GRID1: variants seen among roughly 807,000 people sequenced by gnomAD.
GRID1 encodes glutamate receptor ionotropic, delta-1.
A neutral mutation model predicts 98.0 loss-of-function variants in GRID1; 28 were observed. The observed-to-expected ratio is 0.29, with a 90% CI of 0.21 to 0.39. The LOEUF is 0.39. Among genes scored for constraint, GRID1 ranks in the 10% least tolerant of loss-of-function variants. GRID1 has a pLI of 1.00. For synonymous variants in GRID1, 553 were observed against 538.5 expected, an observed-to-expected ratio of 1.03 and a Z score of -0.37; for missense variants, 1,111 against 1,340.5, an observed-to-expected ratio of 0.83 and a Z score of 2.67.
chr10:86,140,490 G>A (rs1330301057), intron 3 of GRID1, among the ~76,000 whole-genome samples: 3 of 152,240 alleles, frequency 2.0e-5, no homozygotes, highest in Non-Finnish European at 4.4e-5. Context: ...TCCCTGTTGT[G>A]CCAAGAGGAC....
chr10:86,226,150 C>G (rs115447458), intron 2 of GRID1, among the ~76,000 whole-genome samples: 1 of 152,010 alleles, frequency 6.6e-6, no homozygotes, highest in Non-Finnish European at 1.5e-5. Flanking sequence ...CTCAGAGCCA[C>G]GTCTCTGGAC....
chr10:86,252,019 G>A (rs1846843601), intron 2 of GRID1, among the ~76,000 whole-genome samples: 1 of 152,188 alleles, frequency 6.6e-6, no homozygotes, highest in Non-Finnish European at 1.5e-5. Flanking sequence ...GCAGAGGTTG[G>A]TACGGGTGTC....
intron 8 of GRID1, among the ~76,000 whole-genome samples, chr10:85,780,116 G>C (rs971977217): frequency 6.6e-6 from 1 of 152,142 alleles, no homozygotes; most frequent in Non-Finnish European, 1.5e-5. Flanking sequence ...GCTCTACCTC[G>C]CACCATGCTT....
intron 4 of GRID1, among the ~76,000 whole-genome samples, chr10:86,076,446 C>G (rs1288730410): frequency 6.6e-6 from 1 of 152,178 alleles, no homozygotes; most frequent in Non-Finnish European, 1.5e-5. Flanking sequence ...CTGGCCAAAC[C>G]TGATGTATTA....
At chr10:86,237,706 A>G (rs1296416787) in intron 2 of GRID1, among the ~76,000 whole-genome samples, 4 of 151,722 alleles carry the variant, frequency 2.6e-5, no homozygotes, top group Non-Finnish European at 5.9e-5. Flanking sequence ...TCTCAAAAAA[A>G]AAAAAAAAAA....
At chr10:85,742,370 A>G (rs1841952805) in intron 8 of GRID1, among the ~76,000 whole-genome samples, 1 of 152,180 alleles carries the variant, frequency 6.6e-6, no homozygotes, top group Admixed American at 6.5e-5. Context: ...TTTACTTAGA[A>G]ATTAAGCGGC....
At chr10:85,836,068 C>A in intron 8 of GRID1, among the ~76,000 whole-genome samples, 1 of 151,666 alleles carries the variant, frequency 6.6e-6, no homozygotes. Context: ...GCACTAAAAG[C>A]TTATATTAGA....
chr10:86,065,956 C>T (rs1378569554), intron 4 of GRID1, among the ~76,000 whole-genome samples: 1 of 152,210 alleles, frequency 6.6e-6, no homozygotes, highest in Non-Finnish European at 1.5e-5. Flanking sequence ...CCTAACAATG[C>T]CTTTCCCTGC....
intron 13 of GRID1, among the ~76,000 whole-genome samples, chr10:85,639,174 T>A (rs760593855): frequency 6.6e-6 from 1 of 152,232 alleles, no homozygotes; most frequent in Non-Finnish European, 1.5e-5. Context: ...CTACAATATA[T>A]GTTAATTGGA....
At chr10:85,882,456 G>T (rs1374887959) in intron 5 of GRID1, among the ~76,000 whole-genome samples, 1 of 152,126 alleles carries the variant, frequency 6.6e-6, no homozygotes, top group East Asian at 1.9e-4. Flanking sequence ...AAAATGATGA[G>T]TTCATGTCCT....
chr10:86,098,262 C>A (rs1228955402), intron 4 of GRID1, among the ~76,000 whole-genome samples: 1 of 152,218 alleles, frequency 6.6e-6, no homozygotes, highest in Non-Finnish European at 1.5e-5. Context: ...TGTTTTACCT[C>A]TTTCCATATT....
intron 8 of GRID1, among the ~76,000 whole-genome samples, chr10:85,745,828 T>C (rs551010379): frequency 2.0e-5 from 3 of 151,882 alleles, no homozygotes; most frequent in Non-Finnish European, 4.4e-5. Flanking sequence ...CCCTGAAGTA[T>C]GGGAAGGAAA....
intron 4 of GRID1, among the ~76,000 whole-genome samples, chr10:86,028,579 C>T (rs548531722): frequency 5.9e-5 from 9 of 152,288 alleles, no homozygotes; most frequent in South Asian, 2.1e-4. Flanking sequence ...CATGGAATAG[C>T]TGGGCTCAAA....
At chr10:86,072,061 G>A (rs989192326) in intron 4 of GRID1, among the ~76,000 whole-genome samples, 5 of 152,192 alleles carry the variant, frequency 3.3e-5, no homozygotes, top group Admixed American at 1.3e-4. Context: ...GGGAGGAACC[G>A]GGGGTGAAGG....
At chr10:85,769,875 TAGGC>T (rs1329127646) in intron 8 of GRID1, among the ~76,000 whole-genome samples, 3 of 152,226 alleles carry the variant, frequency 2.0e-5, no homozygotes, top group Non-Finnish European at 4.4e-5. Context: ...CCTGCCTCTG[TAGGC>T]TCCACCTCTG....
chr10:86,236,358 C>A (rs572396961), intron 2 of GRID1, among the ~76,000 whole-genome samples: 92 of 152,304 alleles, frequency 6.0e-4, no homozygotes, highest in African/African-American at 2.1e-3. Context: ...TCTTCACCTG[C>A]AAGTTGAAGT....
At chr10:86,261,728 C>T (rs1847018276) in intron 2 of GRID1, among the ~76,000 whole-genome samples, 1 of 152,156 alleles carries the variant, frequency 6.6e-6, no homozygotes, top group Non-Finnish European at 1.5e-5. Flanking sequence ...AGCAAAACCC[C>T]AGGTCACCCA....
At chr10:85,957,362 AATG>A (rs1842207981) in intron 4 of GRID1, among the ~76,000 whole-genome samples, 1 of 152,112 alleles carries the variant, frequency 6.6e-6, no homozygotes, top group Non-Finnish European at 1.5e-5. Flanking sequence ...ACACCCCATG[AATG>A]ATTTCCAGCC....
At chr10:85,821,516 CAAAAAAAAAAAAA>C (rs1157209045) in intron 8 of GRID1, among the ~76,000 whole-genome samples, 205 of 9,118 alleles carry the variant, frequency 0.022, 9 homozygotes, top group Admixed American at 0.054. Flanking sequence ...GACTTCATCT[CAAAAAAAAAAAAA>C]AAAAAAAAAA....
Sources: gnomAD v4.1 joint callset for allele counts (sites outside exome capture counted in the v4.1 genomes callset) on GRCh38, gnomAD v4.1.1 for gene constraint, MANE v1.5 for transcripts, NCBI Gene and HGNC (gene_info 2026-07-23, HGNC 2026-07-21) for gene names.